AUTS2: variants seen among roughly 807,000 people sequenced by gnomAD.
AUTS2 encodes activator of transcription and developmental regulator AUTS2, also known as autism susceptibility gene 2 protein.
A neutral mutation model predicts 112.4 loss-of-function variants in AUTS2; 17 were observed. The observed-to-expected ratio is 0.15, with a 90% confidence interval of 0.10 to 0.23. The LOEUF is 0.23. AUTS2 is among the 10% of genes least tolerant of loss of function. The pLI, the probability that AUTS2 is intolerant of heterozygous loss-of-function variation, is 1.00. For synonymous variants in AUTS2, 751 were observed against 702.7 expected, an observed-to-expected ratio of 1.07 and a Z score of -1.09; for missense variants, 1,510 against 1,701.6, an observed-to-expected ratio of 0.89 and a Z score of 1.98.
intron 4 of AUTS2, among the ~76,000 whole-genome samples, chr7:70,378,709 C>CAT (rs1793231276): frequency 6.6e-6 from 1 of 152,188 alleles, no homozygotes; most frequent in Admixed American, 6.5e-5. Flanking sequence ...ATATTCCCAG[C>CAT]ATGGTTAGCA....
chr7:69,872,653 A>G (rs1441230023), intron 1 of AUTS2, among the ~76,000 whole-genome samples: 1 of 150,316 alleles, frequency 6.7e-6, no homozygotes, highest in African/African-American at 2.5e-5. Flanking sequence ...TTTTTCTTGC[A>G]TGTGGCAGAT....
intron 4 of AUTS2, among the ~76,000 whole-genome samples, chr7:70,377,349 TATATATATATATATATATATATATAGTG>T (rs1793147798): frequency 8.8e-6 from 1 of 113,296 alleles, no homozygotes; most frequent in Non-Finnish European, 1.9e-5. Flanking sequence ...TATATATATA[TATATATATATATATATATATATATAGTG>T]ATATATATAT....
At chr7:70,604,373 C>G (rs1377148180) in intron 5 of AUTS2, among the ~76,000 whole-genome samples, 1 of 152,192 alleles carries the variant, frequency 6.6e-6, no homozygotes, top group Non-Finnish European at 1.5e-5. Flanking sequence ...TGGGCCTTAC[C>G]TAGCTGCTCT....
At chr7:69,615,339 A>G (rs1019622871) in intron 1 of AUTS2, among the ~76,000 whole-genome samples, 4 of 152,030 alleles carry the variant, frequency 2.6e-5, no homozygotes, top group African/African-American at 4.8e-5. Flanking sequence ...GTCTTGCTCT[A>G]TCGCCCAGGC....
At chr7:70,308,200 C>T (rs907445632) in intron 4 of AUTS2, among the ~76,000 whole-genome samples, 1 of 152,164 alleles carries the variant, frequency 6.6e-6, no homozygotes, top group African/African-American at 2.4e-5. Context: ...AGGCTTTCTC[C>T]ATTTGAAGGA....
In AUTS2 at chr7:70,631,643, T is replaced by C. The variant is rs1805266763; in HGVS notation, c.691-66926T>C. On this transcript the variant is annotated intron_variant, in intron 5 of 18. Transcript: ENST00000342771. This position sits in a 1 kb window ranked among gnomAD's most constrained non-coding sequence, Gnocchi z 4.5. The stretch of plus-strand genomic sequence containing the variant: ...ATGAAAATGGCCCAGCTGCAGAAAG[T>C]CATTCCTCACGAAGAAATGGGTGTG... 1.3e-5 allele frequency among the ~76,000 whole-genome samples: 2 copies of C among 152,146 alleles called. No individual in the cohort carries two copies. Among genetic ancestry groups the C allele is most frequent in the Non-Finnish European group, 2.9e-5 (2 of 68,030 alleles).
chr7:70,075,482 T>G (rs1011085584), intron 2 of AUTS2, among the ~76,000 whole-genome samples: 1 of 152,176 alleles, frequency 6.6e-6, no homozygotes, highest in African/African-American at 2.4e-5. Flanking sequence ...TATGAAAACA[T>G]AAACTACAAA....
At chr7:69,777,889 ATGCTGGCCCAAGGC>A (rs1285853195) in intron 1 of AUTS2, among the ~76,000 whole-genome samples, 1 of 152,148 alleles carries the variant, frequency 6.6e-6, no homozygotes, top group Non-Finnish European at 1.5e-5. Context: ...ATGCTGGTTC[ATGCTGGCCCAAGGC>A]TGTCTTCTTT....
chr7:70,578,622 A>G (rs1802283476), intron 5 of AUTS2, among the ~76,000 whole-genome samples: 2 of 152,266 alleles, frequency 1.3e-5, no homozygotes, highest in Non-Finnish European at 2.9e-5. Context: ...AAAGTGAAAT[A>G]CAAAACCAAG....
chr7:70,550,205 G>A (rs2129518575), intron 5 of AUTS2, among the ~76,000 whole-genome samples: 1 of 152,270 alleles, frequency 6.6e-6, no homozygotes, highest in Non-Finnish European at 1.5e-5. Context: ...ACTTGATAAG[G>A]TCTGAGGACA....
chr7:70,137,324 A>T (rs1310751007), intron 4 of AUTS2, among the ~76,000 whole-genome samples: 1 of 152,118 alleles, frequency 6.6e-6, no homozygotes. Flanking sequence ...AGAGACACAC[A>T]TATATATTCA....
At chr7:70,150,233 G>A (rs1807355562) in intron 4 of AUTS2, among the ~76,000 whole-genome samples, 1 of 152,070 alleles carries the variant, frequency 6.6e-6, no homozygotes, top group East Asian at 1.9e-4. Context: ...CACTTACACT[G>A]AATAAGGCTA....
chr7:69,619,959 CTAATTTGGCT>C (rs769367238), intron 1 of AUTS2, among the ~76,000 whole-genome samples: 1 of 152,102 alleles, frequency 6.6e-6, no homozygotes, highest in Non-Finnish European at 1.5e-5. Context: ...AGTGTTTTGC[CTAATTTGGCT>C]TAAATTATGA....
intron 4 of AUTS2, among the ~76,000 whole-genome samples, chr7:70,272,766 G>A: frequency 6.6e-6 from 1 of 152,008 alleles, no homozygotes. Flanking sequence ...TTAATTCTTA[G>A]GGAGGACTGA....
At chr7:70,620,085 C>T (rs1190606057) in intron 5 of AUTS2, among the ~76,000 whole-genome samples, 2 of 152,150 alleles carry the variant, frequency 1.3e-5, no homozygotes, top group Non-Finnish European at 2.9e-5. Flanking sequence ...GCACCTCTCC[C>T]TTAACCTGGG....
chr7:70,304,156 G>T (rs556740124), intron 4 of AUTS2, among the ~76,000 whole-genome samples: 1 of 152,190 alleles, frequency 6.6e-6, no homozygotes, highest in Non-Finnish European at 1.5e-5. Context: ...CAGAAGCAGG[G>T]GTCCTCTTCT....
chr7:70,675,298 G>A (rs1807854038), intron 5 of AUTS2, among the ~76,000 whole-genome samples: 1 of 152,136 alleles, frequency 6.6e-6, no homozygotes, highest in East Asian at 1.9e-4. Context: ...TTTGAGACCA[G>A]CCTGGCCAAC....
chr7:69,602,048 G>GA (rs1792461330), intron 1 of AUTS2, among the ~76,000 whole-genome samples: 1 of 23,282 alleles, frequency 4.3e-5, no homozygotes, highest in Non-Finnish European at 9.7e-5. Flanking sequence ...ATATGTGTGT[G>GA]TGTGTGTGTG....
At chr7:70,329,306 T>G (rs1172363131) in intron 4 of AUTS2, among the ~76,000 whole-genome samples, 1 of 152,210 alleles carries the variant, frequency 6.6e-6, no homozygotes, top group African/African-American at 2.4e-5. Context: ...GGAGTGGCAT[T>G]GCAGGACGAT....
Sources: allele counts gnomAD v4.1 joint callset (sites outside exome capture counted in the v4.1 genomes callset), GRCh38; gene constraint gnomAD v4.1.1; non-coding constraint Gnocchi (gnomAD v3.1); transcripts MANE v1.5; gene names NCBI Gene and HGNC (gene_info 2026-07-23, HGNC 2026-07-21).